Variants in RETREG1 observed in about 807,000 individuals in gnomAD.
RETREG1 encodes the protein reticulophagy regulator 1, also known as family with sequence similarity 134 member B.
In RETREG1, 44 loss-of-function variants were observed where a neutral mutation model predicts 54.8. The observed-to-expected ratio is 0.80, with a 90% CI of 0.63 to 1.03. RETREG1 has a LOEUF of 1.03. Ranked by LOEUF, RETREG1 falls within the 50% of genes least tolerant of loss-of-function variation. The probability of loss-of-function intolerance (pLI) is 0.00; values close to 1 mark genes in which losing one functional copy is unlikely to be tolerated. For synonymous variants in RETREG1, 217 were observed against 238.5 expected (o/e 0.91, Z 0.83); for missense variants, 554 against 605.1 (o/e 0.92, Z 0.89).
chr5:16,502,541 C>T (rs201119403), intron 3 of RETREG1, among the ~76,000 whole-genome samples: 6 of 151,964 alleles, frequency 3.9e-5, no homozygotes, highest in East Asian at 3.9e-4. Flanking sequence ...AATGCTGCTG[C>T]GAGAAAAAAG....
intron 1 of RETREG1, among the ~76,000 whole-genome samples, chr5:16,592,941 G>C (rs960491816): frequency 5.3e-5 from 8 of 152,014 alleles, no homozygotes; most frequent in African/African-American, 1.9e-4. Context: ...TAACTATTGG[G>C]TACTAGGCTC....
rs924757001 is a variant in RETREG1 at position 16,550,272 on chromosome 5, A to G, written c.458+15491T>C. 1.1e-3 allele frequency among the ~76,000 whole-genome samples: 75 copies of G among 69,982 alleles called. 1 individual carries two copies. The highest frequency in any genetic ancestry group is 2.7e-3 in the Non-Finnish European group (60 of 21,880). 45.9% of individuals were successfully genotyped at this position (69,982 alleles called of 152,430 possible). On this transcript the variant is annotated intron_variant, in intron 3 of 8. Transcript: ENST00000306320. ...TTCTGCATAGTCCCTCCTCTTTAAA[A>G]TTTAAAAAAAAAAAAGCGTTAAAGG...
At chr5:16,577,289 GTT>G (rs60991994) in intron 1 of RETREG1, among the ~76,000 whole-genome samples, 25 of 141,232 alleles carry the variant, frequency 1.8e-4, no homozygotes, top group Non-Finnish European at 2.0e-4. Flanking sequence ...ACTTAGGTTT[GTT>G]TTTTTTTTTT....
intron 5 of RETREG1, among the ~76,000 whole-genome samples, chr5:16,480,172 A>G (rs1738705148): frequency 6.6e-6 from 1 of 151,840 alleles, no homozygotes; most frequent in Non-Finnish European, 1.5e-5. Flanking sequence ...CCTCATCCCC[A>G]GGCAACCACT....
At chr5:16,571,685 C>T (rs564429189) in intron 2 of RETREG1, among the ~76,000 whole-genome samples, 15 of 152,096 alleles carry the variant, frequency 9.9e-5, no homozygotes, top group Admixed American at 2.0e-4. Flanking sequence ...TTTCCAGTGG[C>T]CCAGTTTCAT....
rs963220265 is a variant in RETREG1, at chr5:16,569,287, C to T, written c.427+2709G>A. Among the ~76,000 whole-genome samples, 541 of 140,780 alleles carry T rather than the reference C, an allele frequency of 3.8e-3. 1 individual carries two copies. The highest frequency in any genetic ancestry group is 0.014 in the Middle Eastern group (4 of 276). 92.4% of individuals were successfully genotyped at this position (140,780 alleles called of 152,430 possible). The stretch of plus-strand genomic sequence containing the variant: ...ACAGAGTAATCATTCCCATTTCTTT[C>T]TTTTTTTTTTTTTTTTTTTTAATTT... On this transcript the variant is annotated intron_variant, in intron 2 of 8. Transcript: ENST00000306320.
At chr5:16,542,943 AC>A (rs1281627321) in intron 3 of RETREG1, among the ~76,000 whole-genome samples, 2 of 152,150 alleles carry the variant, frequency 1.3e-5, no homozygotes, top group African/African-American at 4.8e-5. Flanking sequence ...CATAATCAAT[AC>A]CACCATCACC....
In RETREG1 at chr5:16,474,768, G is replaced by T; in HGVS notation, c.1467C>A (p.Phe489Leu). 1 of 1,612,706 alleles carries T rather than the reference G, an allele frequency of 6.2e-7. No individual in the cohort carries two copies. Among genetic ancestry groups the T allele is most frequent in the Non-Finnish European group, 8.5e-7 (1 of 1,179,766 alleles). The change falls in exon 9 of 9, where the codon TTC (phenylalanine) becomes TTA (leucine). Residue 489 changes from phenylalanine (F) to leucine (L), a missense_variant. Phe to Leu is a conservative substitution (Grantham distance 22). Around this residue, in one of 4 missense-constraint regions of RETREG1, gnomAD observed 30 missense variants for 32.4 expected, o/e 0.93. Transcript: ENST00000306320. ...AATGGCCTCCCAGCAGATTTGAAAG[G>T]AAACCTGAAGACTTCTTATTTTGCT... The part of the protein sequence containing the change: ...EAQQNKKSSG[F>L]LSNLLGGH
intron 1 of RETREG1, among the ~76,000 whole-genome samples, chr5:16,612,197 G>C (rs1743363761): frequency 6.6e-6 from 1 of 152,186 alleles, no homozygotes; most frequent in African/African-American, 2.4e-5. Context: ...ATAGAACAGG[G>C]ATGCAAAGAA....
intron 3 of RETREG1, among the ~76,000 whole-genome samples, chr5:16,491,395 G>A (rs1164229677): frequency 6.6e-6 from 1 of 152,188 alleles, no homozygotes; most frequent in Non-Finnish European, 1.5e-5. Context: ...CTTGGACAGT[G>A]CTCTGTCTTC....
chr5:16,614,898 T>G (rs1242966494), intron 1 of RETREG1, among the ~76,000 whole-genome samples: 3 of 152,074 alleles, frequency 2.0e-5, no homozygotes, highest in African/African-American at 4.8e-5. Context: ...ACAATTTGCA[T>G]AGAATATGGT....
At chr5:16,497,928 A>G (rs1415142180) in intron 3 of RETREG1, among the ~76,000 whole-genome samples, 1 of 152,206 alleles carries the variant, frequency 6.6e-6, no homozygotes, top group Non-Finnish European at 1.5e-5. Context: ...GAGGGTTATC[A>G]GTTACCTCCT....
At chr5:16,584,417 A>T (rs1041883082) in intron 1 of RETREG1, among the ~76,000 whole-genome samples, 38 of 152,232 alleles carry the variant, frequency 2.5e-4, no homozygotes, top group Non-Finnish European at 4.4e-4. Flanking sequence ...AAATGATTTT[A>T]AAAAATGAAA....
chr5:16,605,477 A>G (rs1743162373), intron 1 of RETREG1, among the ~76,000 whole-genome samples: 1 of 152,210 alleles, frequency 6.6e-6, no homozygotes, highest in African/African-American at 2.4e-5. Context: ...ATCTCCAGGC[A>G]TCTAGAGAAT....
At chr5:16,511,789 A>G (rs1740183189) in intron 3 of RETREG1, among the ~76,000 whole-genome samples, 1 of 152,142 alleles carries the variant, frequency 6.6e-6, no homozygotes, top group Non-Finnish European at 1.5e-5. Context: ...ACTTAGAATC[A>G]TGGTGGAGGG....
intron 3 of RETREG1, among the ~76,000 whole-genome samples, chr5:16,536,806 C>A (rs1225646169): frequency 6.6e-6 from 1 of 152,182 alleles, no homozygotes; most frequent in African/African-American, 2.4e-5. Context: ...TCTTGTCTTG[C>A]AGGAGCATTC....
At chr5:16,610,491 T>G (rs1390929118) in intron 1 of RETREG1, among the ~76,000 whole-genome samples, 1 of 151,920 alleles carries the variant, frequency 6.6e-6, no homozygotes, top group Non-Finnish European at 1.5e-5. Flanking sequence ...TGGGAGAAAA[T>G]TTTTGCAATC....
At position 16,594,034 on chromosome 5, in the gene RETREG1, A is replaced by G. The variant is rs146071653; in HGVS notation, c.321-21932T>C. Among the ~76,000 whole-genome samples, 1 of 152,346 alleles carries G rather than the reference A, an allele frequency of 6.6e-6. No individual in the cohort carries two copies. Among genetic ancestry groups the G allele is most frequent in the Non-Finnish European group, 1.5e-5 (1 of 68,026 alleles). ...CTTTGGCCAACACCCACTGTTTTTC[A>G]ATGTCACAGGCCCACAGCAAAATGT... On this transcript the variant is annotated intron_variant, in intron 1 of 8. Coordinates refer to ENST00000306320, the MANE Select transcript of RETREG1 (RefSeq NM_001034850.3). This position sits in a 1 kb window ranked among gnomAD's most constrained non-coding sequence, Gnocchi z 4.4.
chr5:16,565,103 C>T (rs184348484), intron 3 of RETREG1, among the ~76,000 whole-genome samples: 4 of 152,270 alleles, frequency 2.6e-5, no homozygotes, highest in Non-Finnish European at 4.4e-5. Flanking sequence ...CTCATTTTCC[C>T]GCCTCTCATA....
Sources: allele counts gnomAD v4.1 joint callset (sites outside exome capture counted in the v4.1 genomes callset), GRCh38; gene constraint gnomAD v4.1.1; regional missense constraint gnomAD v4.1.1; non-coding constraint Gnocchi (gnomAD v3.1); transcripts MANE v1.5; gene names NCBI Gene and HGNC (gene_info 2026-07-23, HGNC 2026-07-21).